Variants in CDH16 observed in about 807,000 individuals in gnomAD.
CDH16 encodes the protein cadherin-16.
CDH16 carries 79 observed loss-of-function variants against 87.6 expected under a neutral mutation model. That is an observed-to-expected ratio of 0.90 (90% CI 0.75 to 1.09). The LOEUF is 1.09. CDH16 is among the 50% of genes least tolerant of loss of function. The probability of loss-of-function intolerance (pLI) is 0.00; values close to 1 mark genes in which losing one functional copy is unlikely to be tolerated. For synonymous variants in CDH16, 457 were observed against 439.5 expected (o/e 1.04, Z -0.50); for missense variants, 1,124 against 1,071.7 (o/e 1.05, Z -0.68).
chr16:66,910,612 G>C (rs1465727025), intron 14 of CDH16, 110 bp from the exon 15 acceptor site: 3 of 1,150,660 alleles, frequency 2.6e-6, no homozygotes, highest in Non-Finnish European at 3.5e-6. Flanking sequence ...AGACTCCCCT[G>C]CCATGCTCCC....
intron 3 of CDH16, among the ~76,000 whole-genome samples, chr16:66,917,112 C>T (rs1282024875): frequency 6.7e-6 from 1 of 149,474 alleles, no homozygotes; most frequent in Non-Finnish European, 1.5e-5. Context: ...ATGGCGAAAC[C>T]CTGTCTCTAC....
At chr16:66,917,835 G>C in intron 2 of CDH16, 110 bp from the exon 3 acceptor site, 1 of 1,072,532 alleles carries the variant, frequency 9.3e-7, no homozygotes, top group Admixed American at 2.3e-5. Flanking sequence ...CTGTACCTTA[G>C]TCCATCCACC....
chr16:66,914,090 TG>T, intron 7 of CDH16, 125 bp downstream of exon 7: 2 of 783,964 alleles, frequency 2.6e-6, no homozygotes, highest in Non-Finnish European at 2.1e-6. Flanking sequence ...TGGGAAGTAA[TG>T]GGAAGAGTGG....
At chr16:66,913,668 C>T in intron 7 of CDH16, 55 bp from the exon 8 acceptor site, 3 of 1,594,538 alleles carry the variant, frequency 1.9e-6, no homozygotes, top group Non-Finnish European at 2.6e-6. Flanking sequence ...AGCCTTTGCG[C>T]CCCATCTGAT....
Position 66,910,002 on chromosome 16 carries a change from C to G in CDH16, c.2259G>C (p.Trp753Cys). The G allele has an allele frequency of 6.2e-7, 1 of 1,606,776 alleles. No individual in the cohort carries two copies. Among genetic ancestry groups the G allele is most frequent in the East Asian group, 2.2e-5 (1 of 44,760 alleles). Residue 753 changes from tryptophan (W) to cysteine (C), a missense_variant, in exon 16 of 18, where the codon TGG becomes TGC. Trp to Cys is a radical substitution (Grantham distance 215). Coordinates refer to ENST00000299752, the MANE Select transcript of CDH16 (RefSeq NM_004062.4). ...CAATCTCACCTCGAACCAGGAGCTG[C>G]CACATCTGGGCATTGTGGCTGACCA... The part of the protein sequence containing the change: ...PVVVSHNAQM[W>C]QLLVRVIVCR...
chr16:66,910,172 C>T (rs917769925), intron 15 of CDH16, 79 bp from the exon 16 acceptor site: 39 of 1,557,618 alleles, frequency 2.5e-5, no homozygotes, highest in Non-Finnish European at 3.4e-5. Context: ...GGCCTAGCCC[C>T]ACCCCCATGG....
chr16:66,914,526 T>C, intron 6 of CDH16, 114 bp from the exon 7 acceptor site: 2 of 729,158 alleles, frequency 2.7e-6, no homozygotes, highest in Non-Finnish European at 4.6e-6. Flanking sequence ...ATTGGGACAC[T>C]CTCTTGGCCA....
chr16:66,918,076 G>A lies in CDH16; in HGVS notation c.-11C>T. 6.4e-7 allele frequency: 1 copy of A among 1,573,132 alleles called. No individual in the cohort carries two copies. The highest frequency in any genetic ancestry group is 8.6e-7 in the Non-Finnish European group (1 of 1,159,290). On this transcript the variant is annotated splice_region_variant and 5_prime_UTR_variant, in exon 2 of 18. Transcript: ENST00000299752. Reference sequence around the variant, plus strand: ...CCAGGCAGGGACCATGGTCAGGACAGGCCTGAGGGACACGGCAGTGAGGAT... The same window carrying A: ...CCAGGCAGGGACCATGGTCAGGACAAGCCTGAGGGACACGGCAGTGAGGAT...
intron 7 of CDH16, 104 bp downstream of exon 7, chr16:66,914,112 A>T: frequency 1.0e-6 from 1 of 954,690 alleles, no homozygotes; most frequent in Non-Finnish European, 1.6e-6. Context: ...AGGGAGGAGC[A>T]CGGGTCATGA....
intron 14 of CDH16, 71 bp from the exon 15 acceptor site, chr16:66,910,573 G>A: frequency 2.8e-6 from 4 of 1,417,144 alleles, no homozygotes; most frequent in South Asian, 1.7e-5. Flanking sequence ...TCCCTGGGCT[G>A]CTCCCGCAGC....
chr16:66,917,722 G>A lies in CDH16; in HGVS notation c.49C>T (p.Leu17Phe), dbSNP rs375388190. 1 of 1,608,888 alleles carries A rather than the reference G, an allele frequency of 6.2e-7. No individual in the cohort carries two copies. Among genetic ancestry groups the A allele is most frequent in the Non-Finnish European group, 8.5e-7 (1 of 1,177,272 alleles). ...WLLCVSVPQA[L>F]PKAQPAELSV... ...AGCTCTGCAGGCTGGGCCTTGGGGA[G>A]AGCCTGTGGGAGGATTCTCACCTTG... is the stretch of plus-strand genomic sequence containing the variant. Residue 17 changes from leucine (L) to phenylalanine (F), a missense_variant, in exon 3 of 18, where the codon CTC becomes TTC. Leu to Phe is a conservative substitution (Grantham distance 22, BLOSUM62 0). Transcript: ENST00000299752.
In CDH16 at chr16:66,917,551, G is replaced by C. The variant is rs1248800962; in HGVS notation, c.129+91C>G. On this transcript the variant is annotated intron_variant, in intron 3 of 17. Coordinates refer to ENST00000299752, the MANE Select transcript of CDH16 (RefSeq NM_004062.4). ...TCTCTGGAAAGCAGGATTTCAAAGAGAAACAGCAAGAGGAAGGGTGCCAGA... is the reference window on the plus strand; with the variant it reads ...TCTCTGGAAAGCAGGATTTCAAAGACAAACAGCAAGAGGAAGGGTGCCAGA... The C allele has an allele frequency of 5.2e-5, 46 of 891,620 alleles. No individual in the cohort carries two copies. The East Asian group carries it at 1.2e-3, about 22-fold the overall frequency. The allele number at this position is 891,620 out of a possible 1,614,324, so 55.2% of individuals were successfully genotyped here.
At chr16:66,915,811 G>T (rs897483216) in intron 5 of CDH16, among the ~76,000 whole-genome samples, 1 of 152,228 alleles carries the variant, frequency 6.6e-6, no homozygotes, top group Non-Finnish European at 1.5e-5. Flanking sequence ...CAGGAGAATT[G>T]CTTAAACCTA....
intron 14 of CDH16, 103 bp downstream of exon 14, chr16:66,911,079 G>A (rs1369317977): frequency 1.7e-6 from 2 of 1,162,622 alleles, no homozygotes; most frequent in East Asian, 2.6e-5. Context: ...GCTTGGGGCT[G>A]GGGGTTGCCA....
In CDH16 at chr16:66,912,313, C is replaced by A. The variant is rs749506258; in HGVS notation, c.1477G>T (p.Gly493Ter). Residue 493 changes from glycine to a stop codon, truncating the protein, a stop_gained, in exon 12 of 18, where the codon GGA becomes TGA. Coordinates refer to ENST00000299752, the MANE Select transcript of CDH16 (RefSeq NM_004062.4). LOFTEE classifies it high-confidence loss of function. ...FRLMDFAIER[G>*]DTEGTFGLDW... ...AGGCCAAAAGTCCCTTCTGTGTCTC[C>A]CCTCTCAATGGCAAAATCCATGAGG... is the stretch of plus-strand genomic sequence containing the variant. The A allele has an allele frequency of 1.2e-6, 2 of 1,614,192 alleles. No homozygotes were observed. Among genetic ancestry groups the A allele is most frequent in the Admixed American group, 3.3e-5 (2 of 60,032 alleles).
chr16:66,908,897 G>A (rs1220629848), intron 17 of CDH16, among the ~76,000 whole-genome samples: 1 of 152,172 alleles, frequency 6.6e-6, no homozygotes, highest in African/African-American at 2.4e-5. Flanking sequence ...GATGCAATTA[G>A]GCTAGAAAGA....
At chr16:66,913,735 T>C (rs1962547634) in intron 7 of CDH16, 122 bp from the exon 8 acceptor site, 10 of 1,329,182 alleles carry the variant, frequency 7.5e-6, no homozygotes, top group African/African-American at 1.5e-5. Flanking sequence ...CTGCCCTCCC[T>C]GGGCCTGGAG....
In CDH16 at chr16:66,913,524, C is replaced by T; in HGVS notation, c.870G>A (p.Val290=). ...FEVNAEGNLY[V]TRELDREAQA... ...GGGCTTCTCTGTCCAGCTCTCTGGT[C>T]ACGTAGAGGTTTCCCTCTGCATTCA... The change falls in exon 8 of 18, where the codon GTG becomes GTA. Residue 290 remains valine (V), a synonymous_variant. Transcript: ENST00000299752. 6.2e-7 allele frequency: 1 copy of T among 1,614,154 alleles called. No individual in the cohort carries two copies. The highest frequency in any genetic ancestry group is 8.5e-7 in the Non-Finnish European group (1 of 1,180,006).
At position 66,913,195 on chromosome 16, in the gene CDH16, A is replaced by G. The variant is rs1250156871; in HGVS notation, c.990T>C (p.Asn330=). 1 of 1,603,716 alleles carries G rather than the reference A, an allele frequency of 6.2e-7. No individual in the cohort carries two copies. The highest frequency in any genetic ancestry group is 8.5e-7 in the Non-Finnish European group (1 of 1,175,172). Reference sequence around the variant, plus strand: ...GGGGAGGGCAGATAGGCACGTTGTCATTCTCATCCATCACCAGCACGTGCA... The same window carrying G: ...GGGGAGGGCAGATAGGCACGTTGTCGTTCTCATCCATCACCAGCACGTGCA... ...LELHVLVMDE[N]DNVPICPPRD... is the part of the protein sequence containing the mutation. Residue 330 remains asparagine, a synonymous_variant, in exon 9 of 18, where the codon AAT becomes AAC. Coordinates refer to ENST00000299752, the MANE Select transcript of CDH16 (RefSeq NM_004062.4).
Sources: allele counts gnomAD v4.1 joint callset (sites outside exome capture counted in the v4.1 genomes callset), GRCh38; gene constraint gnomAD v4.1.1; transcripts MANE v1.5; gene names NCBI Gene and HGNC (gene_info 2026-07-23, HGNC 2026-07-21).